The following MEIS1 variants were observed in gnomAD, a reference collection of about 807,000 sequenced individuals.
The protein encoded by MEIS1 is Meis homeobox 1.
Under a neutral mutation model 50.8 loss-of-function variants are expected in MEIS1, and 5 were observed. The ratio of observed to expected loss-of-function variants is 0.10; its 90% CI spans 0.05 to 0.21. The LOEUF is 0.21. Ranked by LOEUF, MEIS1 falls within the 10% of genes least tolerant of loss-of-function variation. MEIS1 has a pLI of 1.00. For synonymous variants in MEIS1, 176 were observed against 179.3 expected, an observed-to-expected ratio of 0.98 and a Z score of 0.15; for missense variants, 318 against 517.3, an observed-to-expected ratio of 0.61 and a Z score of 3.74.
intron 3 of MEIS1, chr2:66,440,281 G>A: frequency 1.7e-6 from 1 of 589,554 alleles, no homozygotes; most frequent in South Asian, 2.1e-5. Flanking sequence ...AGAACACCAC[G>A]GTTGTAGCTG....
chr2:66,545,230 T>C (rs1674761455), intron 8 of MEIS1, among the ~76,000 whole-genome samples: 1 of 152,216 alleles, frequency 6.6e-6, no homozygotes, highest in Non-Finnish European at 1.5e-5. Flanking sequence ...ATTAATTCTA[T>C]TAAAAATCAC....
Position 66,527,066 on chromosome 2 carries a change from A to C in MEIS1, c.888+14772A>C, listed in dbSNP as rs1674270071. Among the ~76,000 whole-genome samples, 3 of 152,350 alleles carry C rather than the reference A, an allele frequency of 2.0e-5. No homozygotes were observed. The South Asian group carries it at 6.2e-4, about 32-fold the overall frequency. Reference sequence around the variant, plus strand: ...ACTGTGGGGTGAATTTGCAAGGGAAAAAAGGCCAAATATACATGCATGAAA... The same window carrying C: ...ACTGTGGGGTGAATTTGCAAGGGAACAAAGGCCAAATATACATGCATGAAA... On this transcript the variant is annotated intron_variant, in intron 8 of 12. Coordinates refer to ENST00000272369, the MANE Select transcript of MEIS1 (RefSeq NM_002398.3).
intron 8 of MEIS1, among the ~76,000 whole-genome samples, chr2:66,530,331 A>G (rs1674359553): frequency 6.6e-6 from 1 of 152,186 alleles, no homozygotes; most frequent in African/African-American, 2.4e-5. Context: ...TTCATAATCA[A>G]TCTGTTTTTC....
At position 66,573,275 on chromosome 2, in the gene MEIS1, T is replaced by C. The variant is rs1362251067; in HGVS notation, c.*2067T>C. 1.3e-5 allele frequency: 2 copies of C among 152,220 alleles called. No homozygotes were observed. Among genetic ancestry groups the C allele is most frequent in the Non-Finnish European group, 2.9e-5 (2 of 68,038 alleles). The allele number at this position is 152,220 out of a possible 1,614,324, so 9.4% of individuals were successfully genotyped here. On this transcript the variant is annotated 3_prime_UTR_variant, in exon 13 of 13. Coordinates refer to ENST00000272369, the MANE Select transcript of MEIS1 (RefSeq NM_002398.3). ...GCCGGCTAAATGGTAGAAAATAATA[T>C]GTTTAAGCTGGAATAGCTTATAATT...
chr2:66,437,374 T>G, intron 1 of MEIS1: 1 of 238,154 alleles, frequency 4.2e-6, no homozygotes, highest in Non-Finnish European at 8.2e-6. Context: ...ATTATTGTGA[T>G]TTTGAATTTC....
intron 8 of MEIS1, among the ~76,000 whole-genome samples, chr2:66,520,673 A>C (rs1027788989): frequency 6.6e-6 from 1 of 152,252 alleles, no homozygotes; most frequent in Non-Finnish European, 1.5e-5. Context: ...GCTGAAGGAA[A>C]AAAATTTATT....
At chr2:66,452,929 A>G (rs1252785641) in intron 6 of MEIS1, among the ~76,000 whole-genome samples, 1 of 151,918 alleles carries the variant, frequency 6.6e-6, no homozygotes, top group Non-Finnish European at 1.5e-5. Context: ...TTCTGTGCAT[A>G]TGAAGTGTAT....
At chr2:66,504,092 G>T (rs898455760) in intron 7 of MEIS1, among the ~76,000 whole-genome samples, 21 of 152,034 alleles carry the variant, frequency 1.4e-4, no homozygotes, top group African/African-American at 4.8e-4. Flanking sequence ...TAGCGGAGGA[G>T]GGGGAGCAGT....
chr2:66,473,359 CAA>C (rs1672808603), intron 7 of MEIS1, among the ~76,000 whole-genome samples: 1 of 91,764 alleles, frequency 1.1e-5, no homozygotes, highest in East Asian at 3.0e-4. Flanking sequence ...GCCTGGGTAA[CAA>C]GAGTGAGACT....
intron 8 of MEIS1, among the ~76,000 whole-genome samples, chr2:66,525,184 T>A (rs1237285568): frequency 6.6e-6 from 1 of 152,092 alleles, no homozygotes; most frequent in Non-Finnish European, 1.5e-5. Flanking sequence ...CTGCACTCCA[T>A]CCTGGGCGGC....
At chr2:66,509,263 T>C (rs1673764951) in intron 7 of MEIS1, 4 of 314,012 alleles carry the variant, frequency 1.3e-5, no homozygotes, top group South Asian at 1.1e-4. Flanking sequence ...TTTATTATGC[T>C]CTTCTCCTTC....
intron 8 of MEIS1, among the ~76,000 whole-genome samples, chr2:66,518,801 A>G (rs907736994): frequency 6.6e-6 from 1 of 152,194 alleles, no homozygotes; most frequent in East Asian, 1.9e-4. Context: ...AAGATTCCTA[A>G]TGAAGATACC....
chr2:66,571,159 G>A, intron 12 of MEIS1, 87 bp from the exon 13 acceptor site: 1 of 1,366,958 alleles, frequency 7.3e-7, no homozygotes, highest in Non-Finnish European at 9.9e-7. Context: ...GGGTTCTCTG[G>A]CTTTTATAGG....
chr2:66,533,255 C>G (rs1674437641), intron 8 of MEIS1, among the ~76,000 whole-genome samples: 2 of 152,206 alleles, frequency 1.3e-5, no homozygotes, highest in Admixed American at 6.5e-5. Flanking sequence ...GACAAAGGCT[C>G]TCAACATTCC....
At chr2:66,499,170 C>T (rs143675340) in intron 7 of MEIS1, among the ~76,000 whole-genome samples, 91 of 152,252 alleles carry the variant, frequency 6.0e-4, no homozygotes, top group Non-Finnish European at 1.1e-3. Context: ...TTTTCAGAAA[C>T]GATTGGATTT....
chr2:66,527,591 AGTGT>A (rs71409176), intron 8 of MEIS1, among the ~76,000 whole-genome samples: 39,096 of 124,212 alleles, frequency 0.31, 5,187 homozygotes, highest in Middle Eastern at 0.36. Context: ...AGTAAAAGCA[AGTGT>A]GTGTGTGTGT....
intron 7 of MEIS1, among the ~76,000 whole-genome samples, chr2:66,493,589 G>T (rs1257016168): frequency 6.6e-6 from 1 of 152,026 alleles, no homozygotes; most frequent in Admixed American, 6.6e-5. Flanking sequence ...TAGCTAAGAA[G>T]TTGTAATTAC....
intron 9 of MEIS1, among the ~76,000 whole-genome samples, chr2:66,563,506 A>G (rs999295781): frequency 2.0e-5 from 3 of 152,188 alleles, no homozygotes; most frequent in Non-Finnish European, 4.4e-5. Context: ...TAAAGTGACA[A>G]TATGTTCATT....
intron 6 of MEIS1, among the ~76,000 whole-genome samples, chr2:66,463,696 G>A (rs538617092): frequency 2.0e-4 from 31 of 152,278 alleles, no homozygotes; most frequent in African/African-American, 7.5e-4. Flanking sequence ...CTTCTAGGAT[G>A]AATCAGAGGC....
Sources: gnomAD v4.1 joint callset for allele counts (sites outside exome capture counted in the v4.1 genomes callset) on GRCh38, gnomAD v4.1.1 for gene constraint, MANE v1.5 for transcripts, NCBI Gene and HGNC (gene_info 2026-07-23, HGNC 2026-07-21) for gene names.